Variants in RPAP3 observed in about 807,000 individuals in gnomAD.
The protein encoded by RPAP3 is RNA polymerase II-associated protein 3.
RPAP3 carries 58 observed loss-of-function variants against 88.8 expected under a neutral mutation model. The observed-to-expected ratio is 0.65, with a 90% confidence interval of 0.53 to 0.81. RPAP3 has a LOEUF of 0.81. RPAP3 is among the 40% of genes least tolerant of loss of function. The pLI, the probability that RPAP3 is intolerant of heterozygous loss-of-function variation, is 0.00. For missense variants in RPAP3, 751 were observed against 764.3 expected (o/e 0.98, Z 0.20); for synonymous variants, 255 against 259.9 (o/e 0.98, Z 0.18).
chr12:47,695,389 T>C lies in RPAP3; in HGVS notation c.545+887A>G, dbSNP rs1939505010. Among the ~76,000 whole-genome samples, 4 of 152,124 alleles carry C rather than the reference T, an allele frequency of 2.6e-5. No individual in the cohort carries two copies. The South Asian group carries it at 8.3e-4, about 32-fold the overall frequency. ...TTATACTATATATTATTTAGGAACA[T>C]ATACATATATAATAAACCTTTTTTA... On this transcript the variant is annotated intron_variant, in intron 5 of 16. Transcript: ENST00000005386.
At chr12:47,674,832 T>C (rs936028552) in intron 12 of RPAP3, among the ~76,000 whole-genome samples, 4 of 152,152 alleles carry the variant, frequency 2.6e-5, no homozygotes, top group African/African-American at 9.7e-5. Context: ...TTCAGGATAT[T>C]ATCCAGGAGA....
chr12:47,669,060 G>A lies in RPAP3; in HGVS notation c.1569C>T (p.Ser523=), dbSNP rs765275115. ...SLKQDVCQSY[S]EKMPIEIEQK... ...GTTCTATCTCTATGGGCATTTTCTCGCTGTAAGACTGACATACATCCTGCT... is the reference window on the plus strand; with the variant it reads ...GTTCTATCTCTATGGGCATTTTCTCACTGTAAGACTGACATACATCCTGCT... Residue 523 remains serine, a synonymous_variant, in exon 14 of 17, where the codon AGC becomes AGT. Coordinates refer to ENST00000005386, the MANE Select transcript of RPAP3 (RefSeq NM_024604.3). 3.9e-5 allele frequency: 63 copies of A among 1,613,744 alleles called. No individual in the cohort carries two copies. The highest frequency in any genetic ancestry group is 1.1e-4 in the East Asian group (5 of 44,866).
intron 12 of RPAP3, among the ~76,000 whole-genome samples, chr12:47,671,338 T>C (rs1938993257): frequency 6.6e-6 from 1 of 152,210 alleles, no homozygotes; most frequent in Non-Finnish European, 1.5e-5. Context: ...GTTTGAAATT[T>C]GTTTTAGCTT....
In RPAP3 at chr12:47,679,481, T is replaced by C; in HGVS notation, c.1287+12A>G. On this transcript the variant is annotated intron_variant, in intron 12 of 16. Coordinates refer to ENST00000005386, the MANE Select transcript of RPAP3 (RefSeq NM_024604.3). ...TTAAATGGCAAGGAAAAAATGAAAG[T>C]GCTTTACTTACAGTTGATCCAGGAT... 6.5e-7 allele frequency: 1 copy of C among 1,531,472 alleles called. No individual in the cohort carries two copies. Among genetic ancestry groups the C allele is most frequent in the Non-Finnish European group, 9.0e-7 (1 of 1,114,624 alleles). 94.9% of individuals were successfully genotyped at this position (1,531,472 alleles called of 1,614,324 possible).
chr12:47,671,991 T>TA (rs1209258490), intron 12 of RPAP3, among the ~76,000 whole-genome samples: 3 of 148,394 alleles, frequency 2.0e-5, no homozygotes, highest in East Asian at 2.0e-4. Context: ...TGTGACCATT[T>TA]AAAAAAAAAG....
intron 5 of RPAP3, among the ~76,000 whole-genome samples, chr12:47,693,741 G>A (rs1278950237): frequency 1.3e-5 from 2 of 152,046 alleles, no homozygotes; most frequent in Non-Finnish European, 2.9e-5. Context: ...CAAAGAAAAA[G>A]GCCTGAAATT....
In RPAP3 at chr12:47,665,807, A is replaced by G. The variant is rs1176916878; in HGVS notation, c.1912+1173T>C. Among the ~76,000 whole-genome samples, 3 of 150,734 alleles carry G rather than the reference A, an allele frequency of 2.0e-5. No homozygotes were observed. In the East Asian group the frequency reaches 5.9e-4, roughly 30 times the overall value. ...AGATGCACGCCACTGCAACCAACTC[A>G]TTTTTGTATTTTTTGTAAAGACGGG... On this transcript the variant is annotated intron_variant, in intron 16 of 16. Coordinates refer to ENST00000005386, the MANE Select transcript of RPAP3 (RefSeq NM_024604.3).
chr12:47,697,610 A>G lies in RPAP3; in HGVS notation c.404T>C (p.Val135Ala), dbSNP rs1236122914. The G allele has an allele frequency of 6.2e-7, 1 of 1,604,116 alleles. No individual in the cohort carries two copies. The highest frequency in any genetic ancestry group is 8.5e-7 in the Non-Finnish European group (1 of 1,177,290). Reference sequence around the variant, plus strand: ...ACTAATTAGTACCTTTTCTTTTAAAACAAGAGCCTTTTGTGAATCTACATG... The same window carrying G: ...ACTAATTAGTACCTTTTCTTTTAAAGCAAGAGCCTTTTGTGAATCTACATG... ...GIHVDSQKAL[V>A]LKEKGNKYFK... The change falls in exon 4 of 17, where the codon GTT (valine) becomes GCT (alanine). Residue 135 changes from valine to alanine, a missense_variant. Transcript: ENST00000005386.
intron 7 of RPAP3, among the ~76,000 whole-genome samples, chr12:47,688,340 T>G (rs78408148): frequency 5.3e-5 from 8 of 151,398 alleles, no homozygotes; most frequent in South Asian, 2.1e-4. Context: ...GAGAGAAACA[T>G]TGGGGTGGGG....
chr12:47,696,962 G>A (rs1442734148), intron 4 of RPAP3, among the ~76,000 whole-genome samples: 2 of 152,158 alleles, frequency 1.3e-5, no homozygotes, highest in East Asian at 3.9e-4. Context: ...TCACTGTATG[G>A]GTACAACCCA....
chr12:47,675,345 G>A (rs1487363721), intron 12 of RPAP3, among the ~76,000 whole-genome samples: 2 of 152,110 alleles, frequency 1.3e-5, no homozygotes, highest in African/African-American at 4.8e-5. Flanking sequence ...TCAATTAACA[G>A]TCAAAATAAC....
At chr12:47,693,695 T>A (rs1049085428) in intron 5 of RPAP3, among the ~76,000 whole-genome samples, 9 of 152,152 alleles carry the variant, frequency 5.9e-5, no homozygotes, top group Non-Finnish European at 1.3e-4. Flanking sequence ...TCTTTACCAA[T>A]GCAGTTCCAC....
intron 12 of RPAP3, among the ~76,000 whole-genome samples, chr12:47,674,269 G>A (rs568795602): frequency 3.2e-4 from 49 of 152,192 alleles, no homozygotes; most frequent in Non-Finnish European, 4.7e-4. Flanking sequence ...ACCAAAGGGA[G>A]ATTAAACCAC....
chr12:47,704,850 T>TA (rs144573778), intron 1 of RPAP3, among the ~76,000 whole-genome samples: 14 of 151,798 alleles, frequency 9.2e-5, no homozygotes, highest in Non-Finnish European at 1.6e-4. Flanking sequence ...CCATCTCTAC[T>TA]AAAAACACAA....
chr12:47,684,609 T>C (rs1939286756), intron 9 of RPAP3, among the ~76,000 whole-genome samples: 1 of 152,226 alleles, frequency 6.6e-6, no homozygotes, highest in African/African-American at 2.4e-5. Context: ...AAATATACTC[T>C]GCTAACTTGG....
chr12:47,699,875 CG>C (rs1939621058), intron 3 of RPAP3: 1 of 152,018 alleles, frequency 6.6e-6, no homozygotes, highest in East Asian at 1.9e-4. Flanking sequence ...ATAATGCATA[CG>C]GTATAATCAT....
chr12:47,673,683 G>T (rs926177948), intron 12 of RPAP3, among the ~76,000 whole-genome samples: 1 of 152,036 alleles, frequency 6.6e-6, no homozygotes. Flanking sequence ...GTTTAAGAGG[G>T]CAGGAAGAGG....
At chr12:47,700,335 G>A (rs1000047953) in intron 3 of RPAP3, among the ~76,000 whole-genome samples, 8 of 152,140 alleles carry the variant, frequency 5.3e-5, no homozygotes, top group East Asian at 3.8e-4. Context: ...TTAGAAAGGA[G>A]CATACCAGTA....
chr12:47,704,351 A>G (rs563068075), intron 1 of RPAP3, among the ~76,000 whole-genome samples: 1 of 152,288 alleles, frequency 6.6e-6, no homozygotes, highest in Admixed American at 6.5e-5. Flanking sequence ...ATATTTAGTC[A>G]TAAAAAGACT....
Sources: allele counts gnomAD v4.1 joint callset (sites outside exome capture counted in the v4.1 genomes callset), GRCh38; gene constraint gnomAD v4.1.1; transcripts MANE v1.5; gene names NCBI Gene and HGNC (gene_info 2026-07-23, HGNC 2026-07-21).